DNAJB1: variants seen among roughly 807,000 people sequenced by gnomAD.
DNAJB1 encodes dnaJ homolog subfamily B member 1.
A neutral mutation model predicts 24.0 loss-of-function variants in DNAJB1; 14 were observed. That is an observed-to-expected ratio of 0.58 (90% CI 0.39 to 0.91). DNAJB1 has a LOEUF of 0.91. DNAJB1 is among the 40% of genes least tolerant of loss of function. The pLI is 0.00. For missense variants in DNAJB1, 517 were observed against 458.1 expected (o/e 1.13, Z -1.17); for synonymous variants, 262 against 174.4 (o/e 1.50, Z -3.96).
chr19:14,540,262 GT>G (rs1319376798), intron 1 of DNAJB1, among the ~76,000 whole-genome samples: 1 of 151,714 alleles, frequency 6.6e-6, no homozygotes, highest in African/African-American at 2.4e-5. Flanking sequence ...TAGAGACAGG[GT>G]TTCACTGTGT....
At chr19:14,557,007 C>T (rs994867986) in intron 1 of DNAJB1, among the ~76,000 whole-genome samples, 3 of 152,102 alleles carry the variant, frequency 2.0e-5, no homozygotes, top group Admixed American at 6.6e-5. Context: ...GTGGATGGGC[C>T]CCTTCAAGAG....
At chr19:14,548,489 G>C (rs2073379122) in intron 1 of DNAJB1, among the ~76,000 whole-genome samples, 1 of 152,180 alleles carries the variant, frequency 6.6e-6, no homozygotes, top group African/African-American at 2.4e-5. Flanking sequence ...CCGTTACCAG[G>C]CCTAAGCCAG....
chr19:14,529,676 T>C (rs1276463349), upstream of DNAJB1: 2 of 1,613,780 alleles, frequency 1.2e-6, no homozygotes, highest in Non-Finnish European at 1.7e-6. Flanking sequence ...CGCGGAGCAG[T>C]AGCCGCCGTG....
At chr19:14,517,502 C>T (rs1387111286) in intron 1 of DNAJB1, 1 of 156,914 alleles carries the variant, frequency 6.4e-6, no homozygotes, top group African/African-American at 2.4e-5. Context: ...CTGCCACCAT[C>T]CTTGCACAAA....
intron 1 of DNAJB1, among the ~76,000 whole-genome samples, chr19:14,543,391 ATAT>A (rs1404771370): frequency 3.4e-4 from 2 of 5,810 alleles, no homozygotes; most frequent in African/African-American, 1.3e-3. Flanking sequence ...TTCAGAGAAT[ATAT>A]ATATATATAT....
intron 1 of DNAJB1, chr19:14,517,326 T>G (rs1599380609): frequency 2.6e-6 from 1 of 390,080 alleles, no homozygotes; most frequent in East Asian, 4.2e-5. Flanking sequence ...GACTGACCCA[T>G]CCTCCTGGCA....
intron 1 of DNAJB1, among the ~76,000 whole-genome samples, chr19:14,536,917 C>T (rs1437334967): frequency 1.3e-5 from 2 of 149,430 alleles, no homozygotes; most frequent in African/African-American, 5.0e-5. Context: ...GTAGTACGGC[C>T]CTACTCACCT....
chr19:14,553,718 G>A (rs1406896388), upstream of DNAJB1, among the ~76,000 whole-genome samples: 1 of 152,146 alleles, frequency 6.6e-6, no homozygotes, highest in Non-Finnish European at 1.5e-5. Flanking sequence ...GCGAGGTGAT[G>A]GGGGCGAGGT....
At chr19:14,542,844 T>C (rs2073148940) in intron 1 of DNAJB1, among the ~76,000 whole-genome samples, 1 of 152,156 alleles carries the variant, frequency 6.6e-6, no homozygotes, top group Non-Finnish European at 1.5e-5. Context: ...TGTGGCCCTG[T>C]AGCTGTGTCA....
upstream of DNAJB1, chr19:14,518,555 T>A (rs1187986218): frequency 5.2e-6 from 2 of 386,510 alleles, no homozygotes; most frequent in Non-Finnish European, 8.8e-6. Flanking sequence ...GGCCTCGCCG[T>A]CAACGGCCGC....
At chr19:14,558,262 G>A (rs530815827) in intron 1 of DNAJB1, among the ~76,000 whole-genome samples, 10 of 152,268 alleles carry the variant, frequency 6.6e-5, no homozygotes, top group Admixed American at 6.5e-5. Flanking sequence ...CAGGAGCTGT[G>A]ACAAGTGCTT....
upstream of DNAJB1, among the ~76,000 whole-genome samples, chr19:14,519,939 G>A (rs1484700557): frequency 2.0e-5 from 3 of 152,136 alleles, no homozygotes; most frequent in Non-Finnish European, 2.9e-5. Flanking sequence ...GGGAAGTGGG[G>A]GAGGTTCCTG....
chr19:14,515,709 T>C lies in DNAJB1; in HGVS notation c.*231A>G. 4.1e-6 allele frequency: 2 copies of C among 491,650 alleles called. No individual in the cohort carries two copies. The highest frequency in any genetic ancestry group is 5.3e-5 in the South Asian group (2 of 37,794). The allele number at this position is 491,650 out of a possible 1,614,324, so 30.5% of individuals were successfully genotyped here. A position where few individuals can be genotyped will look rare whatever the true frequency, so the allele number is the denominator to read the frequency against. Reference sequence around the variant, plus strand: ...GGCTGCCAGACCCAGTGGGGCAGACTGGAATGCCTTTTCCTGCTGTTCCCA... The same window carrying C: ...GGCTGCCAGACCCAGTGGGGCAGACCGGAATGCCTTTTCCTGCTGTTCCCA... On this transcript the variant is annotated 3_prime_UTR_variant, in exon 3 of 3. Transcript: ENST00000254322.
intron 1 of DNAJB1, chr19:14,517,424 T>C (rs944021256): frequency 5.2e-6 from 1 of 193,658 alleles, no homozygotes; most frequent in African/African-American, 2.4e-5. Flanking sequence ...TAATGGTGCG[T>C]AGGAAGAGAA....
intron 1 of DNAJB1, among the ~76,000 whole-genome samples, chr19:14,542,421 G>C (rs1480986180): frequency 7.4e-6 from 1 of 134,970 alleles, no homozygotes; most frequent in African/African-American, 2.8e-5. Flanking sequence ...GAGTGCAGTG[G>C]TGCAATCTCG....
At chr19:14,559,553 C>T (rs889695210) in intron 1 of DNAJB1, among the ~76,000 whole-genome samples, 1 of 152,016 alleles carries the variant, frequency 6.6e-6, no homozygotes, top group Admixed American at 6.6e-5. Flanking sequence ...TTTGGGAGGC[C>T]GAGGTGGTGG....
intron 2 of DNAJB1, among the ~76,000 whole-genome samples, chr19:14,526,970 G>A (rs1432799529): frequency 1.3e-5 from 2 of 151,834 alleles, no homozygotes; most frequent in African/African-American, 4.8e-5. Flanking sequence ...TTGGGAGGCC[G>A]AGGAGGGAGG....
chr19:14,555,083 T>C (rs566681015), upstream of DNAJB1, among the ~76,000 whole-genome samples: 2 of 151,870 alleles, frequency 1.3e-5, no homozygotes, highest in African/African-American at 2.4e-5. Flanking sequence ...GGCCTTGTTT[T>C]TTTTTTTTTG....
chr19:14,539,607 C>T (rs958272111), intron 1 of DNAJB1, among the ~76,000 whole-genome samples: 1 of 152,072 alleles, frequency 6.6e-6, no homozygotes, highest in Non-Finnish European at 1.5e-5. Context: ...TGTCATCTGT[C>T]CCCTGCTTTC....
Sources: gnomAD v4.1 joint callset for allele counts (sites outside exome capture counted in the v4.1 genomes callset) on GRCh38, gnomAD v4.1.1 for gene constraint, MANE v1.5 for transcripts, NCBI Gene and HGNC (gene_info 2026-07-23, HGNC 2026-07-21) for gene names.